GLIS1: variants seen among roughly 807,000 people sequenced by gnomAD.
GLIS1 encodes the protein GLIS family zinc finger 1, also known as zinc finger protein GLIS1.
In GLIS1, 24 loss-of-function variants were observed where a neutral mutation model predicts 63.8. That is an observed-to-expected ratio of 0.38 (90% confidence interval 0.27 to 0.53). GLIS1 has a LOEUF of 0.53. GLIS1 is among the 20% of genes least tolerant of loss of function. The pLI is 0.85. For missense variants in GLIS1, 1,036 were observed against 1,074.1 expected (o/e 0.96, Z 0.50); for synonymous variants, 450 against 482.5 (o/e 0.93, Z 0.88).
intron 2 of GLIS1, among the ~76,000 whole-genome samples, chr1:53,689,137 C>G (rs1646373919): frequency 6.6e-6 from 1 of 152,114 alleles, no homozygotes; most frequent in Admixed American, 6.5e-5. Context: ...GAGACCAGCC[C>G]AAAGGTACAG....
At chr1:53,662,438 G>A (rs1646038764) in intron 2 of GLIS1, among the ~76,000 whole-genome samples, 1 of 152,182 alleles carries the variant, frequency 6.6e-6, no homozygotes. Flanking sequence ...AATGGTAGTT[G>A]TTATCATTGC....
At chr1:53,718,226 A>AT (rs1464865274) in intron 2 of GLIS1, among the ~76,000 whole-genome samples, 36 of 152,312 alleles carry the variant, frequency 2.4e-4, no homozygotes, top group African/African-American at 8.7e-4. Context: ...TCAGTTTGTG[A>AT]TATATAGTAA....
At chr1:53,664,168 TG>T (rs1448229298) in intron 2 of GLIS1, among the ~76,000 whole-genome samples, 1 of 152,168 alleles carries the variant, frequency 6.6e-6, no homozygotes, top group Non-Finnish European at 1.5e-5. Context: ...GAGATTCTGG[TG>T]TGCCCCCACC....
rs1029229089 is a variant in GLIS1 at position 53,526,426 on chromosome 1, C to G, written c.1483-1539G>C. Among the ~76,000 whole-genome samples, 2 of 152,130 alleles carry G rather than the reference C, an allele frequency of 1.3e-5. No homozygotes were observed. The highest frequency in any genetic ancestry group is 4.8e-5 in the African/African-American group (2 of 41,422). On this transcript the variant is annotated intron_variant, in intron 5 of 10. Transcript: ENST00000628545. The surrounding 1 kb of genome is among the most constrained non-coding windows in gnomAD (Gnocchi z 4.4). ...AGAGAGACAGCAGTGAGAAGCTTGC[C>G]GGGGTTGGCCTGGGAGGGAGAGCGG...
chr1:53,525,470 GGA>G (rs1266486515), intron 5 of GLIS1, among the ~76,000 whole-genome samples: 1 of 144,724 alleles, frequency 6.9e-6, no homozygotes. Flanking sequence ...GGGAGGCTGG[GGA>G]GGCTGGGGAG....
At chr1:53,700,132 T>C (rs527987096) in intron 2 of GLIS1, among the ~76,000 whole-genome samples, 1 of 152,184 alleles carries the variant, frequency 6.6e-6, no homozygotes, top group Non-Finnish European at 1.5e-5. Flanking sequence ...CTCAGCCCAC[T>C]GTACCATGCT....
At chr1:53,589,013 C>G (rs1267543084) in intron 4 of GLIS1, among the ~76,000 whole-genome samples, 1 of 152,212 alleles carries the variant, frequency 6.6e-6, no homozygotes, top group African/African-American at 2.4e-5. Context: ...CCAGTTAACA[C>G]TGGTTGGGCA....
chr1:53,603,751 G>C (rs561164178), intron 2 of GLIS1, among the ~76,000 whole-genome samples: 16 of 152,270 alleles, frequency 1.1e-4, no homozygotes, highest in Admixed American at 5.2e-4. Flanking sequence ...AGGGGGCCAA[G>C]AGCCAACCTT....
At chr1:53,507,941 T>C (rs1389316786) in intron 10 of GLIS1, among the ~76,000 whole-genome samples, 1 of 152,142 alleles carries the variant, frequency 6.6e-6, no homozygotes, top group Non-Finnish European at 1.5e-5. Flanking sequence ...GCACCCGTCT[T>C]CCATGTGAGC....
At chr1:53,689,149 T>G (rs894098400) in intron 2 of GLIS1, among the ~76,000 whole-genome samples, 3 of 152,220 alleles carry the variant, frequency 2.0e-5, no homozygotes, top group Non-Finnish European at 4.4e-5. Flanking sequence ...AAGGTACAGT[T>G]GGTCCATGCA....
intron 4 of GLIS1, among the ~76,000 whole-genome samples, chr1:53,590,521 C>T (rs1205446287): frequency 6.6e-6 from 1 of 152,152 alleles, no homozygotes; most frequent in Non-Finnish European, 1.5e-5. Flanking sequence ...AAGCTACAGT[C>T]TGCTAATTTC....
chr1:53,616,358 C>T (rs370213936), intron 2 of GLIS1, among the ~76,000 whole-genome samples: 14 of 152,248 alleles, frequency 9.2e-5, no homozygotes, highest in African/African-American at 2.2e-4. Flanking sequence ...ATTCCATCTG[C>T]GTTTTCAGTA....
intron 4 of GLIS1, among the ~76,000 whole-genome samples, chr1:53,571,330 G>T (rs535925957): frequency 6.6e-6 from 1 of 152,154 alleles, no homozygotes; most frequent in South Asian, 2.1e-4. Flanking sequence ...AAAACAAGCC[G>T]GCATTTTCAT....
chr1:53,558,067 G>A (rs1383324005), intron 4 of GLIS1, among the ~76,000 whole-genome samples: 1 of 152,204 alleles, frequency 6.6e-6, no homozygotes, highest in Non-Finnish European at 1.5e-5. Context: ...TGGAGGGGCT[G>A]GCAGTGCCCA....
chr1:53,660,806 C>CAGCAGGGAGGAGAGACTACAAAGAG (rs1646019240), intron 2 of GLIS1, among the ~76,000 whole-genome samples: 1 of 152,148 alleles, frequency 6.6e-6, no homozygotes, highest in African/African-American at 2.4e-5. Context: ...CTTCAGGGCT[C>CAGCAGGGAGGAGAGACTACAAAGAG]AGCAGGGAGG....
intron 2 of GLIS1, among the ~76,000 whole-genome samples, chr1:53,605,490 T>TA (rs1442977242): frequency 1.5e-4 from 23 of 152,192 alleles, no homozygotes; most frequent in Non-Finnish European, 7.3e-5. Context: ...AGCTGCCACT[T>TA]AGGTGCGCCT....
Position 53,594,894 on chromosome 1 carries a change from C to T in GLIS1, c.534G>A (p.Glu178=), listed in dbSNP as rs1463661456. The part of the protein sequence containing the change: ...ESLPDYQAMA[E]ARTSLSAHCR... ...AGTGGGCAGACAGGGATGTGCGGGC[C>T]TCTGCCATGGCTTGGTAGTCGGGCA... is the stretch of plus-strand genomic sequence containing the variant. The change falls in exon 4 of 11, where the codon GAG becomes GAA. Residue 178 remains glutamate, a synonymous_variant. Transcript: ENST00000628545. 3 of 1,536,670 alleles carry T rather than the reference C, an allele frequency of 2.0e-6. No individual in the cohort carries two copies. The highest frequency in any genetic ancestry group is 2.6e-6 in the Non-Finnish European group (3 of 1,149,928).
intron 4 of GLIS1, among the ~76,000 whole-genome samples, chr1:53,563,585 G>GA (rs1275542289): frequency 1.3e-5 from 2 of 152,122 alleles, no homozygotes; most frequent in Non-Finnish European, 2.9e-5. Context: ...CAAGCAGCTA[G>GA]AAAATAAGAA....
chr1:53,542,547 C>G (rs1358358796), intron 4 of GLIS1, among the ~76,000 whole-genome samples: 1 of 152,312 alleles, frequency 6.6e-6, no homozygotes, highest in East Asian at 1.9e-4. Flanking sequence ...GGCTGCTCAG[C>G]AGTCACCTCC....
Sources: allele counts gnomAD v4.1 joint callset (sites outside exome capture counted in the v4.1 genomes callset), GRCh38; gene constraint gnomAD v4.1.1; non-coding constraint Gnocchi (gnomAD v3.1); transcripts MANE v1.5; gene names NCBI Gene and HGNC (gene_info 2026-07-23, HGNC 2026-07-21).